The following ARID3B variants were observed in gnomAD, a reference collection of about 807,000 sequenced individuals.
ARID3B encodes AT-rich interactive domain-containing protein 3B.
Under a neutral mutation model 51.9 loss-of-function variants are expected in ARID3B, and 10 were observed. That is an observed-to-expected ratio of 0.19 (90% confidence interval 0.12 to 0.33). ARID3B has a LOEUF of 0.33. Ranked by LOEUF, ARID3B falls within the 10% of genes least tolerant of loss-of-function variation. The pLI, the probability that ARID3B is intolerant of heterozygous loss-of-function variation, is 1.00. For missense variants in ARID3B, 483 were observed against 716.3 expected, an observed-to-expected ratio of 0.67 and a Z score of 3.72; for synonymous variants, 205 against 279.5, an observed-to-expected ratio of 0.73 and a Z score of 2.66.
chr15:74,554,164 G>A (rs1482364646), intron 2 of ARID3B, among the ~76,000 whole-genome samples: 10 of 150,842 alleles, frequency 6.6e-5, no homozygotes, highest in African/African-American at 2.2e-4. Flanking sequence ...CTGCCACAAC[G>A]CCTGGCTAAT....
chr15:74,592,987 C>T, intron 7 of ARID3B, 151 bp from the exon 8 acceptor site: 1 of 585,406 alleles, frequency 1.7e-6, no homozygotes, highest in Non-Finnish European at 2.9e-6. Flanking sequence ...AGCCTGGGAT[C>T]TCCTGCCATA....
At chr15:74,553,705 T>C (rs767712574) in intron 2 of ARID3B, among the ~76,000 whole-genome samples, 4 of 152,240 alleles carry the variant, frequency 2.6e-5, no homozygotes, top group Non-Finnish European at 5.9e-5. Context: ...ATGTTCCATG[T>C]GTGCTTGGAG....
In ARID3B at chr15:74,584,236, G is replaced by A. The variant is rs564340915; in HGVS notation, c.698-5584G>A. Reference sequence around the variant, plus strand: ...GTTGTGATATTCTCTATATGAACAAGTCATGGGGGGAAATCAGCAGTCATT... The same window carrying A: ...GTTGTGATATTCTCTATATGAACAAATCATGGGGGGAAATCAGCAGTCATT... On this transcript the variant is annotated intron_variant, in intron 4 of 8. Coordinates refer to ENST00000346246, the MANE Select transcript of ARID3B (RefSeq NM_006465.4). Among the ~76,000 whole-genome samples the A allele has an allele frequency of 9.8e-5, 15 of 152,310 alleles. No individual in the cohort carries two copies. The South Asian group carries it at 2.9e-3, about 29-fold the overall frequency.
At chr15:74,579,858 TGTGTGTGTGTGTGTGC>T (rs1454232115) in intron 4 of ARID3B, among the ~76,000 whole-genome samples, 12 of 144,984 alleles carry the variant, frequency 8.3e-5, no homozygotes, top group African/African-American at 2.2e-4. Context: ...TGTGTGTGTG[TGTGTGTGTGTGTGTGC>T]GCGCGCGCGC....
At chr15:74,584,233 C>G (rs1183045463) in intron 4 of ARID3B, among the ~76,000 whole-genome samples, 1 of 152,138 alleles carries the variant, frequency 6.6e-6, no homozygotes, top group Non-Finnish European at 1.5e-5. Context: ...TCTATATGAA[C>G]AAGTCATGGG....
At position 74,591,649 on chromosome 15, in the gene ARID3B, G is replaced by T; in HGVS notation, c.1255G>T (p.Ala419Ser). ...AAGCCAGCAGGCTGGTACTCGGACC[G>T]CCGCACTGGAGCAGCTGCGGGAGCG... ...LASQQAGTRTAALEQLRERLE... is the reference protein window; with the variant it reads ...LASQQAGTRTSALEQLRERLE... Residue 419 changes from alanine to serine, a missense_variant, in exon 7 of 9, where the codon GCC becomes TCC. Around this residue, in one of 3 missense-constraint regions of ARID3B, gnomAD observed 265 missense variants for 354.4 expected, o/e 0.75. Coordinates refer to ENST00000346246, the MANE Select transcript of ARID3B (RefSeq NM_006465.4). The surrounding 1 kb of genome is among the most constrained non-coding windows in gnomAD (Gnocchi z 5.8). 6.2e-7 allele frequency: 1 copy of T among 1,605,106 alleles called. No homozygotes were observed. The highest frequency in any genetic ancestry group is 1.1e-5 in the South Asian group (1 of 90,206).
chr15:74,564,201 T>C (rs947838716), intron 2 of ARID3B, among the ~76,000 whole-genome samples: 3 of 152,226 alleles, frequency 2.0e-5, no homozygotes, highest in Non-Finnish European at 2.9e-5. Flanking sequence ...CAGTGTTGCT[T>C]ATAACAGTAT....
chr15:74,579,872 T>TGTGTGCGCGCGC (rs1488209764), intron 4 of ARID3B, among the ~76,000 whole-genome samples: 1 of 118,936 alleles, frequency 8.4e-6, no homozygotes, highest in African/African-American at 4.2e-5. Flanking sequence ...TGTGTGTGTG[T>TGTGTGCGCGCGC]GCGCGCGCGC....
chr15:74,555,765 G>A (rs888994244), intron 2 of ARID3B, among the ~76,000 whole-genome samples: 1 of 147,868 alleles, frequency 6.8e-6, no homozygotes, highest in Non-Finnish European at 1.5e-5. Context: ...TATGGCAGCT[G>A]TAGCCTTACG....
At position 74,595,758 on chromosome 15, in the gene ARID3B, C is replaced by T. The variant is rs1470007256; in HGVS notation, c.1667C>T (p.Thr556Ile). 6.2e-7 allele frequency: 1 copy of T among 1,604,608 alleles called. No individual in the cohort carries two copies. Among genetic ancestry groups the T allele is most frequent in the Non-Finnish European group, 8.5e-7 (1 of 1,174,396 alleles). Residue 556 changes from threonine to isoleucine, a missense_variant, in exon 9 of 9, where the codon ACC (threonine) becomes ATC (isoleucine). Physicochemically the swap from Thr to Ile is moderately conservative, Grantham distance 89. This residue lies in a region of ARID3B where 265 missense variants were observed against 354.4 expected (regional missense o/e 0.75). Coordinates refer to ENST00000346246, the MANE Select transcript of ARID3B (RefSeq NM_006465.4). ...SRGTPSAEPSTSWSL is the reference protein window; with the variant it reads ...SRGTPSAEPSISWSL ...GGCACCCCCAGCGCAGAGCCCTCCA[C>T]CAGCTGGTCCCTCTGATGGGCAGGA...
intron 4 of ARID3B, among the ~76,000 whole-genome samples, chr15:74,585,204 A>G (rs1415009258): frequency 6.6e-6 from 1 of 152,100 alleles, no homozygotes; most frequent in Admixed American, 6.5e-5. Flanking sequence ...ACCCACAAAG[A>G]TCTCTCTTCA....
intron 5 of ARID3B, 73 bp downstream of exon 5, chr15:74,590,076 G>T (rs1190432548): frequency 9.0e-6 from 13 of 1,442,178 alleles, no homozygotes; most frequent in Non-Finnish European, 1.1e-5. Flanking sequence ...AGGAGAGGAA[G>T]GAAGGAAATT....
rs1036422772 is a variant in ARID3B at position 74,597,593 on chromosome 15, C to A, written c.*1819C>A. 1 of 534,618 alleles carries A rather than the reference C, an allele frequency of 1.9e-6. No homozygotes were observed. The highest frequency in any genetic ancestry group is 1.9e-5 in the African/African-American group (1 of 53,816). 33.1% of individuals were successfully genotyped at this position (534,618 alleles called of 1,614,324 possible). On this transcript the variant is annotated 3_prime_UTR_variant, in exon 9 of 9. Transcript: ENST00000346246. ...CCTGCAGGGTGTGGGCAGAGAAGGG[C>A]ATCTGGGACGTGGTGCCAGTGAGGA...
chr15:74,559,056 C>T (rs1343939170), intron 2 of ARID3B, among the ~76,000 whole-genome samples: 1 of 152,118 alleles, frequency 6.6e-6, no homozygotes, highest in Non-Finnish European at 1.5e-5. Context: ...TCTCTCATGG[C>T]CTCTGGCTTT....
chr15:74,571,541 C>A (rs1385461963), intron 2 of ARID3B, among the ~76,000 whole-genome samples: 1 of 152,230 alleles, frequency 6.6e-6, no homozygotes. Flanking sequence ...TTCATACCCT[C>A]ACTAGCACAA....
intron 4 of ARID3B, among the ~76,000 whole-genome samples, chr15:74,585,841 T>C (rs2061779359): frequency 1.3e-5 from 2 of 152,254 alleles, no homozygotes; most frequent in South Asian, 2.1e-4. Flanking sequence ...CTGCAGATTC[T>C]GCTTCTCTCA....
At chr15:74,570,238 G>A (rs1388637802) in intron 2 of ARID3B, among the ~76,000 whole-genome samples, 2 of 152,112 alleles carry the variant, frequency 1.3e-5, no homozygotes, top group East Asian at 3.9e-4. Flanking sequence ...CCCCCATCCT[G>A]CCAAGGCATT....
intron 2 of ARID3B, among the ~76,000 whole-genome samples, chr15:74,567,670 C>T (rs1299062234): frequency 6.6e-6 from 1 of 152,168 alleles, no homozygotes; most frequent in Admixed American, 6.5e-5. Context: ...AAGCTCACTC[C>T]ATTACCAGGC....
Position 74,593,175 on chromosome 15 carries a change from G to C in ARID3B, c.1458G>C (p.Leu486=), listed in dbSNP as rs2061810190. Residue 486 remains leucine, a synonymous_variant, in exon 8 of 9, where the codon CTG becomes CTC. Transcript: ENST00000346246. ...AGGCCTCGGCTGCAGCACTGAACCTGACCACGAGTAGCATTGGGAGCATTA... is the reference window on the plus strand; with the variant it reads ...AGGCCTCGGCTGCAGCACTGAACCTCACCACGAGTAGCATTGGGAGCATTA... ...RAEASAAALN[L]TTSSIGSINM... is the part of the protein sequence containing the mutation. 1.2e-6 allele frequency: 2 copies of C among 1,613,750 alleles called. No homozygotes were observed. The highest frequency in any genetic ancestry group is 1.7e-6 in the Non-Finnish European group (2 of 1,180,000).
Sources: gnomAD v4.1 joint callset for allele counts (sites outside exome capture counted in the v4.1 genomes callset) on GRCh38, gnomAD v4.1.1 for gene constraint, gnomAD v4.1.1 regional missense constraint, Gnocchi (gnomAD v3.1) non-coding constraint, MANE v1.5 for transcripts, NCBI Gene and HGNC (gene_info 2026-07-23, HGNC 2026-07-21) for gene names.